The following GID8 variants were observed in gnomAD, a reference collection of about 807,000 sequenced individuals.
The protein encoded by GID8 is glucose-induced degradation protein 8 homolog.
GID8 carries 6 observed loss-of-function variants against 27.4 expected under a neutral mutation model. That is an observed-to-expected ratio of 0.22 (90% CI 0.12 to 0.43). The LOEUF (loss-of-function observed/expected upper bound fraction) is 0.43. GID8 is among the 20% of genes least tolerant of loss of function. GID8 has a pLI of 1.00. For missense variants in GID8, 173 were observed against 287.6 expected (o/e 0.60, Z 2.88); for synonymous variants, 112 against 109.0 (o/e 1.03, Z -0.17).
Position 62,943,452 on chromosome 20 carries a change from G to C in GID8, c.316-43G>C, listed in dbSNP as rs1457390206. On this transcript the variant is annotated intron_variant, in intron 3 of 4. Transcript: ENST00000266069. This position sits in a 1 kb window ranked among gnomAD's most constrained non-coding sequence, Gnocchi z 4.7. ...TGGTACCACCTGCCCTAAGTCCCTG[G>C]CCTGGGTGTGTGGGGGTCAAGCTTG... 6 of 1,574,608 alleles carry C rather than the reference G, an allele frequency of 3.8e-6. No individual in the cohort carries two copies. Among genetic ancestry groups the C allele is most frequent in the Non-Finnish European group, 4.4e-6 (5 of 1,147,028 alleles).
In GID8 at chr20:62,948,125, C is replaced by G. The variant is rs926092076; in HGVS notation, c.*3213C>G. 6.6e-6 allele frequency: 1 copy of G among 152,268 alleles called. No individual in the cohort carries two copies. The highest frequency in any genetic ancestry group is 1.9e-4 in the East Asian group (1 of 5,206). 9.4% of individuals were successfully genotyped at this position (152,268 alleles called of 1,614,324 possible). On this transcript the variant is annotated 3_prime_UTR_variant, in exon 5 of 5. Coordinates refer to ENST00000266069, the MANE Select transcript of GID8 (RefSeq NM_017896.3). ...GGGCCTCATGGGTGTAGCCGCATGG[C>G]AGACCCATGGCTGGCGCAGCTGCCT...
chr20:62,946,058 C>T lies in GID8; in HGVS notation c.*1146C>T. On this transcript the variant is annotated 3_prime_UTR_variant, in exon 5 of 5. Coordinates refer to ENST00000266069, the MANE Select transcript of GID8 (RefSeq NM_017896.3). Reference sequence around the variant, plus strand: ...TTGATGGGCACATGGCCTTGTAGCTCTGGGCACAGATGTGTTTGGATTCAT... The same window carrying T: ...TTGATGGGCACATGGCCTTGTAGCTTTGGGCACAGATGTGTTTGGATTCAT... 1 of 1,276,492 alleles carries T rather than the reference C, an allele frequency of 7.8e-7. No individual in the cohort carries two copies. Among genetic ancestry groups the T allele is most frequent in the Non-Finnish European group, 1.0e-6 (1 of 977,418 alleles). 79.1% of individuals were successfully genotyped at this position (1,276,492 alleles called of 1,614,324 possible).
chr20:62,945,714 C>T lies in GID8; in HGVS notation c.*802C>T, dbSNP rs1007746521. On this transcript the variant is annotated 3_prime_UTR_variant, in exon 5 of 5. Coordinates refer to ENST00000266069, the MANE Select transcript of GID8 (RefSeq NM_017896.3). Reference sequence around the variant, plus strand: ...TGGGGCGTTCTTCCCCCTGTGATAGCGGCAGTGGCTTTTTCTGGTACCTGC... The same window carrying T: ...TGGGGCGTTCTTCCCCCTGTGATAGTGGCAGTGGCTTTTTCTGGTACCTGC... The T allele has an allele frequency of 1.6e-5, 19 of 1,200,856 alleles. No individual in the cohort carries two copies. Among genetic ancestry groups the T allele is most frequent in the African/African-American group, 6.3e-5 (4 of 63,512 alleles). The allele number at this position is 1,200,856 out of a possible 1,614,324, so 74.4% of individuals were successfully genotyped here. A position where few individuals can be genotyped will look rare whatever the true frequency, so the allele number is the denominator to read the frequency against.
At position 62,945,993 on chromosome 20, in the gene GID8, G is replaced by T. The variant is rs980560165; in HGVS notation, c.*1081G>T. 1 of 1,289,376 alleles carries T rather than the reference G, an allele frequency of 7.8e-7. No homozygotes were observed. The highest frequency in any genetic ancestry group is 1.0e-6 in the Non-Finnish European group (1 of 988,894). 79.9% of individuals were successfully genotyped at this position (1,289,376 alleles called of 1,614,324 possible). On this transcript the variant is annotated 3_prime_UTR_variant, in exon 5 of 5. Transcript: ENST00000266069. ...CTGCTCCGTGGTGGGCAGGAGGGAA[G>T]TGGTGCAGGGCTGCGTGCATTGCCT...
Position 62,945,422 on chromosome 20 carries a change from C to T in GID8, c.*510C>T. 1 of 987,170 alleles carries T rather than the reference C, an allele frequency of 1.0e-6. No homozygotes were observed. The highest frequency in any genetic ancestry group is 1.2e-6 in the Non-Finnish European group (1 of 830,480). The allele number at this position is 987,170 out of a possible 1,614,324, so 61.2% of individuals were successfully genotyped here. ...TTTGTAAATCCTAATTCAAAGATGG[C>T]TCATGTGTGAGGGCATTGAGTTTGA... On this transcript the variant is annotated 3_prime_UTR_variant, in exon 5 of 5. Transcript: ENST00000266069.
At position 62,943,652 on chromosome 20, in the gene GID8, C is replaced by G; in HGVS notation, c.473C>G (p.Ser158Trp). 1 of 1,613,694 alleles carries G rather than the reference C, an allele frequency of 6.2e-7. No homozygotes were observed. Among genetic ancestry groups the G allele is most frequent in the Non-Finnish European group, 8.5e-7 (1 of 1,179,958 alleles). ...ALLAFDSPEE[S>W]PFGDLLHTMQ... ...CTGGCCTTTGACAGTCCCGAGGAGT[C>G]GCCCTTCGGAGACCTCCTCCACACC... The change falls in exon 4 of 5, where the codon TCG (serine) becomes TGG (tryptophan). Residue 158 changes from serine (S) to tryptophan (W), a missense_variant. Physicochemically the swap from Ser to Trp is radical, Grantham distance 177. Transcript: ENST00000266069. The surrounding 1 kb of genome is among the most constrained non-coding windows in gnomAD (Gnocchi z 4.7).
At position 62,945,905 on chromosome 20, in the gene GID8, T is replaced by G. The variant is rs2065464425; in HGVS notation, c.*993T>G. 7.8e-7 allele frequency: 1 copy of G among 1,289,424 alleles called. No homozygotes were observed. The highest frequency in any genetic ancestry group is 1.0e-6 in the Non-Finnish European group (1 of 988,858). 79.9% of individuals were successfully genotyped at this position (1,289,424 alleles called of 1,614,324 possible). A position where few individuals can be genotyped will look rare whatever the true frequency, so the allele number is the denominator to read the frequency against. ...TGCCCTCCAGCATCTCGGCAGCATC[T>G]CATCCTCCATCGTCAGCTGGCTCTG... On this transcript the variant is annotated 3_prime_UTR_variant, in exon 5 of 5. Coordinates refer to ENST00000266069, the MANE Select transcript of GID8 (RefSeq NM_017896.3).
Position 62,943,626 on chromosome 20 carries a change from G to A in GID8, c.447G>A (p.Leu149=), listed in dbSNP as rs767117172. Residue 149 remains leucine (L), a synonymous_variant, in exon 4 of 5, where the codon CTG becomes CTA. Coordinates refer to ENST00000266069, the MANE Select transcript of GID8 (RefSeq NM_017896.3). This position sits in a 1 kb window ranked among gnomAD's most constrained non-coding sequence, Gnocchi z 4.7. ...CAGAGATGGAGCGTACCCTGGCACT[G>A]CTGGCCTTTGACAGTCCCGAGGAGT... ...CLTEMERTLA[L]LAFDSPEESP... The A allele has an allele frequency of 2.5e-6, 4 of 1,613,882 alleles. No individual in the cohort carries two copies. In the South Asian group the frequency reaches 4.4e-5, roughly 18 times the overall value.
At position 62,945,630 on chromosome 20, in the gene GID8, C is replaced by G. The variant is rs528596026; in HGVS notation, c.*718C>G. ...GAAAATAAAGGTTTCTCTTTGATTT[C>G]AAGAATGACCAAAATGGCCTCTAAA... On this transcript the variant is annotated 3_prime_UTR_variant, in exon 5 of 5. Transcript: ENST00000266069. 3 of 1,170,408 alleles carry G rather than the reference C, an allele frequency of 2.6e-6. No homozygotes were observed. In the African/African-American group the frequency reaches 4.8e-5, roughly 19 times the overall value. 72.5% of individuals were successfully genotyped at this position (1,170,408 alleles called of 1,614,324 possible).
chr20:62,945,334 TC>T lies in GID8; in HGVS notation c.*424del. 1.4e-5 allele frequency: 14 copies of T among 994,558 alleles called. No homozygotes were observed. Among genetic ancestry groups the T allele is most frequent in the Non-Finnish European group, 1.7e-5 (14 of 835,536 alleles). 61.6% of individuals were successfully genotyped at this position (994,558 alleles called of 1,614,324 possible). A position where few individuals can be genotyped will look rare whatever the true frequency, so the allele number is the denominator to read the frequency against. ...CATTGGGCCTTCACCTACAAGTTTT[TC>T]CTTACCCCTGTGGTTTTTGTGTTTT... On this transcript the variant is annotated 3_prime_UTR_variant, in exon 5 of 5. Transcript: ENST00000266069.
In GID8 at chr20:62,945,136, T is replaced by C; in HGVS notation, c.*224T>C. 9 of 1,337,728 alleles carry C rather than the reference T, an allele frequency of 6.7e-6. No individual in the cohort carries two copies. The highest frequency in any genetic ancestry group is 8.6e-6 in the Non-Finnish European group (9 of 1,043,784). The allele number at this position is 1,337,728 out of a possible 1,614,324, so 82.9% of individuals were successfully genotyped here. A position where few individuals can be genotyped will look rare whatever the true frequency, so the allele number is the denominator to read the frequency against. ...TGGCAGTCTGATGCAGAGCCTGCAC[T>C]CTGGCACTCGCTGAAGAATCTGGAA... On this transcript the variant is annotated 3_prime_UTR_variant, in exon 5 of 5. Coordinates refer to ENST00000266069, the MANE Select transcript of GID8 (RefSeq NM_017896.3).
At chr20:62,939,942 ATC>A (rs1481990484) in intron 1 of GID8, among the ~76,000 whole-genome samples, 6 of 152,174 alleles carry the variant, frequency 3.9e-5, no homozygotes, top group Non-Finnish European at 7.4e-5. Context: ...TGTCTCAGGT[ATC>A]CACCCATTCT....
Position 62,943,073 on chromosome 20 carries a change from A to G in GID8, c.205A>G (p.Lys69Glu). Residue 69 changes from lysine (K) to glutamate (E), a missense_variant, in exon 3 of 5, where the codon AAG becomes GAG. By Grantham distance (56) the Lys-to-Glu change is moderately conservative (BLOSUM62 1). Coordinates refer to ENST00000266069, the MANE Select transcript of GID8 (RefSeq NM_017896.3). This position sits in a 1 kb window ranked among gnomAD's most constrained non-coding sequence, Gnocchi z 4.7. ...VDLETLDERIKIREMILKGQI... is the reference protein window; with the variant it reads ...VDLETLDERIEIREMILKGQI... Reference sequence around the variant, plus strand: ...TCTGGAAACACTTGATGAACGAATCAAGATCCGGGAGATGATACTGAAAGG... The same window carrying G: ...TCTGGAAACACTTGATGAACGAATCGAGATCCGGGAGATGATACTGAAAGG... 6.2e-7 allele frequency: 1 copy of G among 1,613,916 alleles called. No individual in the cohort carries two copies. Among genetic ancestry groups the G allele is most frequent in the African/African-American group, 1.3e-5 (1 of 75,022 alleles).
chr20:62,939,144 C>T (rs866403065), intron 1 of GID8, among the ~76,000 whole-genome samples: 11 of 152,062 alleles, frequency 7.2e-5, no homozygotes, highest in Middle Eastern at 3.4e-3. Flanking sequence ...GAAAATGAGT[C>T]CTTAAGTTAC....
Position 62,945,089 on chromosome 20 carries a change from G to T in GID8, c.*177G>T, listed in dbSNP as rs2065460282. ...GGCCTTTGTAGGCAGTGGAAAACTTGCAAGGAAAGCTGCCGTCTCTTTGGC... is the reference window on the plus strand; with the variant it reads ...GGCCTTTGTAGGCAGTGGAAAACTTTCAAGGAAAGCTGCCGTCTCTTTGGC... On this transcript the variant is annotated 3_prime_UTR_variant, in exon 5 of 5. Transcript: ENST00000266069. The T allele has an allele frequency of 1.4e-6, 2 of 1,407,434 alleles. No individual in the cohort carries two copies. Among genetic ancestry groups the T allele is most frequent in the Admixed American group, 5.9e-5 (2 of 33,898 alleles). The allele number at this position is 1,407,434 out of a possible 1,614,324, so 87.2% of individuals were successfully genotyped here. A position where few individuals can be genotyped will look rare whatever the true frequency, so the allele number is the denominator to read the frequency against.
chr20:62,940,349 A>AG (rs2147628724), intron 1 of GID8, among the ~76,000 whole-genome samples: 1 of 98,690 alleles, frequency 1.0e-5, no homozygotes, highest in African/African-American at 3.7e-5. Flanking sequence ...CATGCCCGGC[A>AG]AATTTTTTTT....
Position 62,947,699 on chromosome 20 carries a change from C to T in GID8, c.*2787C>T, listed in dbSNP as rs1238885728. The T allele has an allele frequency of 6.6e-6, 1 of 152,236 alleles. No homozygotes were observed. The highest frequency in any genetic ancestry group is 2.4e-5 in the African/African-American group (1 of 41,440). 9.4% of individuals were successfully genotyped at this position (152,236 alleles called of 1,614,324 possible). On this transcript the variant is annotated 3_prime_UTR_variant, in exon 5 of 5. Coordinates refer to ENST00000266069, the MANE Select transcript of GID8 (RefSeq NM_017896.3). ...AGAAAAGGCAGACACTGGTTGGGAC[C>T]AAAGTCTCCATGGCACATGACTGAA...
rs1374269423 is a variant in GID8, at chr20:62,947,983, A to C, written c.*3071A>C. 1 of 152,272 alleles carries C rather than the reference A, an allele frequency of 6.6e-6. No individual in the cohort carries two copies. Among genetic ancestry groups the C allele is most frequent in the African/African-American group, 2.4e-5 (1 of 41,468 alleles). The allele number at this position is 152,272 out of a possible 1,614,324, so 9.4% of individuals were successfully genotyped here. A position where few individuals can be genotyped will look rare whatever the true frequency, so the allele number is the denominator to read the frequency against. ...GATGTCATAGGGAGCGGGGAGCTGCATTCCCTTCTGGGCTGTTACTGCTAA... is the reference window on the plus strand; with the variant it reads ...GATGTCATAGGGAGCGGGGAGCTGCCTTCCCTTCTGGGCTGTTACTGCTAA... On this transcript the variant is annotated 3_prime_UTR_variant, in exon 5 of 5. Coordinates refer to ENST00000266069, the MANE Select transcript of GID8 (RefSeq NM_017896.3).
At position 62,945,181 on chromosome 20, in the gene GID8, A is replaced by C; in HGVS notation, c.*269A>C. Reference sequence around the variant, plus strand: ...CTGGAAGGTTGCGGTTTGCTCTTCCAGTGTTCGGGGGCCTCTGGCTGCTGA... The same window carrying C: ...CTGGAAGGTTGCGGTTTGCTCTTCCCGTGTTCGGGGGCCTCTGGCTGCTGA... On this transcript the variant is annotated 3_prime_UTR_variant, in exon 5 of 5. Transcript: ENST00000266069. 2 of 1,227,156 alleles carry C rather than the reference A, an allele frequency of 1.6e-6. No individual in the cohort carries two copies. Among genetic ancestry groups the C allele is most frequent in the East Asian group, 7.5e-5 (2 of 26,506 alleles). The allele number at this position is 1,227,156 out of a possible 1,614,324, so 76.0% of individuals were successfully genotyped here.
Sources: allele counts gnomAD v4.1 joint callset (sites outside exome capture counted in the v4.1 genomes callset), GRCh38; gene constraint gnomAD v4.1.1; non-coding constraint Gnocchi (gnomAD v3.1); transcripts MANE v1.5; gene names NCBI Gene and HGNC (gene_info 2026-07-23, HGNC 2026-07-21).